BBS9: variants seen among roughly 807,000 people sequenced by gnomAD.
BBS9 encodes the protein Bardet-Biedl syndrome 9, also known as protein PTHB1.
A neutral mutation model predicts 117.7 loss-of-function variants in BBS9; 89 were observed. The observed-to-expected ratio is 0.76, with a 90% CI of 0.64 to 0.90. The LOEUF (loss-of-function observed/expected upper bound fraction) is 0.90, where lower values mean the gene tolerates loss of function less well. BBS9 is among the 40% of genes least tolerant of loss of function. BBS9 has a pLI of 0.00. For missense variants in BBS9, 982 were observed against 1,042.2 expected, an observed-to-expected ratio of 0.94 and a Z score of 0.80; for synonymous variants, 379 against 370.9, an observed-to-expected ratio of 1.02 and a Z score of -0.25.
intron 19 of BBS9, among the ~76,000 whole-genome samples, chr7:33,449,649 G>A (rs908135276): frequency 3.9e-5 from 6 of 152,156 alleles, no homozygotes; most frequent in Non-Finnish European, 8.8e-5. Flanking sequence ...ATGTATCTGT[G>A]TTAGAGTACA....
intron 16 of BBS9, among the ~76,000 whole-genome samples, chr7:33,362,454 G>A (rs1820800872): frequency 6.6e-6 from 1 of 151,918 alleles, no homozygotes. Flanking sequence ...GTGATGTGAG[G>A]GATGGATGAA....
intron 6 of BBS9, among the ~76,000 whole-genome samples, chr7:33,260,297 C>CG (rs1208403560): frequency 1.3e-5 from 2 of 152,154 alleles, no homozygotes; most frequent in African/African-American, 4.8e-5. Context: ...CCACCACGCC[C>CG]GGCCTAGATA....
At chr7:33,135,983 G>T (rs1790402853) in intron 1 of BBS9, among the ~76,000 whole-genome samples, 1 of 151,636 alleles carries the variant, frequency 6.6e-6, no homozygotes, top group Non-Finnish European at 1.5e-5. Flanking sequence ...GAGTGTAGTG[G>T]TGTGATCACA....
intron 19 of BBS9, among the ~76,000 whole-genome samples, chr7:33,490,596 A>T (rs966436462): frequency 6.6e-6 from 1 of 152,200 alleles, no homozygotes; most frequent in East Asian, 1.9e-4. Context: ...CCCCAGTTTC[A>T]GTTGCTCATT....
intron 20 of BBS9, among the ~76,000 whole-genome samples, chr7:33,527,075 GGC>G (rs1849655529): frequency 1.3e-5 from 2 of 151,724 alleles, no homozygotes; most frequent in Non-Finnish European, 2.9e-5. Context: ...TCAGGGGTCA[GGC>G]ACCCACTTGA....
intron 4 of BBS9, among the ~76,000 whole-genome samples, chr7:33,165,606 C>T (rs1795558352): frequency 6.6e-6 from 1 of 151,938 alleles, no homozygotes; most frequent in Admixed American, 6.6e-5. Context: ...GATAGCCTTT[C>T]TTCCACTTGA....
At chr7:33,608,494 C>T (rs1230583152), downstream of BBS9, among the ~76,000 whole-genome samples, 1 of 152,124 alleles carries the variant, frequency 6.6e-6, no homozygotes, top group Non-Finnish European at 1.5e-5. Flanking sequence ...ATTTACATTT[C>T]CAGCAAAAGT....
intron 5 of BBS9, among the ~76,000 whole-genome samples, chr7:33,250,276 C>T (rs1165342159): frequency 5.3e-5 from 8 of 152,102 alleles, no homozygotes. Flanking sequence ...ACTAATAATG[C>T]TGTTTAAATG....
chr7:33,257,736 C>T (rs1797317559), intron 6 of BBS9, among the ~76,000 whole-genome samples: 1 of 152,024 alleles, frequency 6.6e-6, no homozygotes, highest in Admixed American at 6.6e-5. Context: ...TGTCCAGTTA[C>T]TACCCTGTAG....
intron 5 of BBS9, among the ~76,000 whole-genome samples, chr7:33,214,860 C>T (rs1788741790): frequency 6.6e-6 from 1 of 152,144 alleles, no homozygotes; most frequent in African/African-American, 2.4e-5. Flanking sequence ...TTATATGGAA[C>T]TACAAAAGAC....
At chr7:33,265,768 G>C (rs912435200) in intron 7 of BBS9, among the ~76,000 whole-genome samples, 1 of 152,022 alleles carries the variant, frequency 6.6e-6, no homozygotes, top group Non-Finnish European at 1.5e-5. Context: ...GCTTGAACCT[G>C]GGGGGCAGAG....
chr7:33,437,108 C>T (rs75588193), intron 19 of BBS9, among the ~76,000 whole-genome samples: 10,295 of 152,244 alleles, frequency 0.068, 394 homozygotes, highest in African/African-American at 0.08. Flanking sequence ...ATCTATCTGT[C>T]CATCACAAGC....
intron 19 of BBS9, among the ~76,000 whole-genome samples, chr7:33,400,589 G>A (rs532827485): frequency 1.3e-5 from 2 of 152,104 alleles, no homozygotes; most frequent in African/African-American, 4.8e-5. Flanking sequence ...CTCTCTTTAA[G>A]TAGAGGAAAA....
At chr7:33,360,355 C>T (rs753250108) in intron 16 of BBS9, among the ~76,000 whole-genome samples, 1 of 152,008 alleles carries the variant, frequency 6.6e-6, no homozygotes, top group African/African-American at 2.4e-5. Context: ...ACCCTAACAA[C>T]AATGTTTGAA....
At chr7:33,520,674 A>T (rs1848467728) in intron 20 of BBS9, among the ~76,000 whole-genome samples, 1 of 152,220 alleles carries the variant, frequency 6.6e-6, no homozygotes, top group South Asian at 2.1e-4. Flanking sequence ...TTATGTGGAA[A>T]TATATAAATA....
chr7:33,428,392 G>A (rs943637055), intron 19 of BBS9, among the ~76,000 whole-genome samples: 1 of 152,126 alleles, frequency 6.6e-6, no homozygotes, highest in East Asian at 1.9e-4. Context: ...CTTATTGACA[G>A]TTCCAATATA....
chr7:33,559,425 G>T (rs1421929905), intron 21 of BBS9, among the ~76,000 whole-genome samples: 1 of 152,032 alleles, frequency 6.6e-6, no homozygotes, highest in Non-Finnish European at 1.5e-5. Context: ...TATAACCCAA[G>T]AGTAGCCCCC....
chr7:33,400,488 A>G (rs970275932), intron 19 of BBS9, among the ~76,000 whole-genome samples: 20 of 152,098 alleles, frequency 1.3e-4, no homozygotes, highest in African/African-American at 4.8e-4. Flanking sequence ...GGAGTTCTGA[A>G]CAGTTTGAAT....
chr7:33,356,652 G>T (rs555965091), intron 15 of BBS9, among the ~76,000 whole-genome samples: 1 of 151,962 alleles, frequency 6.6e-6, no homozygotes, highest in Admixed American at 6.6e-5. Flanking sequence ...CATTGTTGAT[G>T]ATTTCTCACT....
Sources: allele counts gnomAD v4.1 joint callset (sites outside exome capture counted in the v4.1 genomes callset), GRCh38; gene constraint gnomAD v4.1.1; transcripts MANE v1.5; gene names NCBI Gene and HGNC (gene_info 2026-07-23, HGNC 2026-07-21).